Variants in ATAD1 observed in about 807,000 individuals in gnomAD.
The protein encoded by ATAD1 is outer mitochondrial transmembrane helix translocase.
ATAD1 carries 18 observed loss-of-function variants against 42.7 expected under a neutral mutation model. The observed-to-expected ratio is 0.42, with a 90% CI of 0.29 to 0.63. The LOEUF (loss-of-function observed/expected upper bound fraction) is 0.63. Among genes scored for constraint, ATAD1 ranks in the 20% least tolerant of loss-of-function variants. The pLI, the probability that ATAD1 is intolerant of heterozygous loss-of-function variation, is 0.19. For synonymous variants in ATAD1, 132 were observed against 143.1 expected (o/e 0.92, Z 0.55); for missense variants, 294 against 440.4 (o/e 0.67, Z 2.98).
intron 1 of ATAD1, 104 bp downstream of exon 1, chr10:87,818,063 G>C (rs572967916): frequency 4.1e-6 from 4 of 985,742 alleles, no homozygotes; most frequent in Non-Finnish European, 4.8e-6. Context: ...AGAAGACCGG[G>C]GTGACCTTTC....
intron 2 of ATAD1, among the ~76,000 whole-genome samples, chr10:87,808,163 C>T (rs1857010328): frequency 6.6e-6 from 1 of 152,208 alleles, no homozygotes; most frequent in South Asian, 2.1e-4. Flanking sequence ...AGCTTGTAAA[C>T]ATTCTTTGGC....
chr10:87,814,551 C>G lies in ATAD1; in HGVS notation c.49G>C (p.Val17Leu). ...ATTGTCAAACGGAAAATTAAACCAA[C>G]AACTTCATTCCGACTCAAAGGACGA... ...FSRPLSRNEV[V>L]GLIFRLTIFG... The change falls in exon 2 of 10, where the codon GTT becomes CTT. Residue 17 changes from valine (V) to leucine (L), a missense_variant. Transcript: ENST00000680024. 6.2e-7 allele frequency: 1 copy of G among 1,611,896 alleles called. No homozygotes were observed.
At chr10:87,768,414 C>T (rs921244826) in intron 7 of ATAD1, among the ~76,000 whole-genome samples, 1 of 152,180 alleles carries the variant, frequency 6.6e-6, no homozygotes, top group African/African-American at 2.4e-5. Flanking sequence ...AATCAAATTA[C>T]TTGAAAAACA....
intron 4 of ATAD1, among the ~76,000 whole-genome samples, chr10:87,788,167 A>G (rs575414608): frequency 2.6e-5 from 4 of 152,382 alleles, no homozygotes; most frequent in South Asian, 2.1e-4. Flanking sequence ...CAATAGTTAC[A>G]TATGACCTCA....
rs771502282 is a variant in ATAD1, at chr10:87,756,807, T to C, written c.947A>G (p.Asn316Ser). 5.0e-6 allele frequency: 8 copies of C among 1,604,610 alleles called. 1 individual carries two copies. ...AALLCVREYV[N>S]STSEESHDED... is the part of the protein sequence containing the mutation. ...AACATACCTTTCTTCTGATGTAGAATTAACATATTCTCTAACACAGAGGAG... is the reference window on the plus strand; with the variant it reads ...AACATACCTTTCTTCTGATGTAGAACTAACATATTCTCTAACACAGAGGAG... The change falls in exon 9 of 10, where the codon AAT (asparagine) becomes AGT (serine). Residue 316 changes from asparagine (N) to serine (S), a missense_variant. Physicochemically the swap from Asn to Ser is conservative, Grantham distance 46. Coordinates refer to ENST00000680024, the MANE Select transcript of ATAD1 (RefSeq NM_001321967.2).
chr10:87,830,797 C>A (rs565967132), intron 1 of ATAD1, among the ~76,000 whole-genome samples: 1 of 152,188 alleles, frequency 6.6e-6, no homozygotes, highest in South Asian at 2.1e-4. Context: ...AAGTAACAAA[C>A]CAACTTCAAA....
chr10:87,782,516 A>ATAT (rs1855614883), intron 5 of ATAD1, among the ~76,000 whole-genome samples: 1 of 152,102 alleles, frequency 6.6e-6, no homozygotes, highest in Non-Finnish European at 1.5e-5. Context: ...AAGAGATGAG[A>ATAT]TATTATTATT....
At chr10:87,836,683 T>C (rs1857935803) in intron 1 of ATAD1, among the ~76,000 whole-genome samples, 1 of 152,234 alleles carries the variant, frequency 6.6e-6, no homozygotes, top group African/African-American at 2.4e-5. Context: ...CCCTGTTTGG[T>C]GTCTGAGTTT....
chr10:87,809,512 CA>C (rs571373945), intron 2 of ATAD1, among the ~76,000 whole-genome samples: 113 of 147,730 alleles, frequency 7.6e-4, no homozygotes, highest in Non-Finnish European at 1.4e-3. Context: ...GAGACGGGCA[CA>C]CTCAATTGAA....
chr10:87,813,819 T>C (rs1187597483), intron 2 of ATAD1, among the ~76,000 whole-genome samples: 1 of 151,786 alleles, frequency 6.6e-6, no homozygotes, highest in Non-Finnish European at 1.5e-5. Flanking sequence ...TTAATTATTG[T>C]TTAAAAAAAA....
At chr10:87,790,491 G>T in intron 3 of ATAD1, 61 bp from the exon 4 acceptor site, 1 of 1,482,014 alleles carries the variant, frequency 6.7e-7, no homozygotes, top group South Asian at 1.4e-5. Context: ...AAAGTAAAAA[G>T]AACGCTCCCA....
At chr10:87,817,581 A>T (rs940238333) in intron 1 of ATAD1, among the ~76,000 whole-genome samples, 8 of 152,234 alleles carry the variant, frequency 5.3e-5, no homozygotes, top group Admixed American at 3.3e-4. Context: ...AATTCATTGC[A>T]GTATTTCACA....
chr10:87,759,796 T>C (rs942960881), intron 8 of ATAD1: 7 of 455,706 alleles, frequency 1.5e-5, no homozygotes, highest in African/African-American at 6.0e-5. Flanking sequence ...AGCTGTAAAA[T>C]AGGACTAATA....
upstream of ATAD1, among the ~76,000 whole-genome samples, chr10:87,820,980 G>A (rs950929637): frequency 7.2e-5 from 11 of 152,134 alleles, no homozygotes; most frequent in Non-Finnish European, 1.0e-4. Context: ...GGAAATTAGA[G>A]CAGACTGTAG....
At chr10:87,792,173 C>T (rs571926610) in intron 3 of ATAD1, among the ~76,000 whole-genome samples, 136 of 152,326 alleles carry the variant, frequency 8.9e-4, no homozygotes, top group Middle Eastern at 3.4e-3. Context: ...AAGAGTGCCA[C>T]AATTTCTTGA....
chr10:87,791,051 A>AAT (rs1333204537), intron 3 of ATAD1, among the ~76,000 whole-genome samples: 5 of 150,328 alleles, frequency 3.3e-5, no homozygotes, highest in African/African-American at 1.2e-4. Context: ...AAAAAAAAAA[A>AAT]AAAATTAACC....
chr10:87,794,476 T>A (rs117797736), intron 2 of ATAD1, among the ~76,000 whole-genome samples: 369 of 152,330 alleles, frequency 2.4e-3, no homozygotes, highest in Non-Finnish European at 4.0e-3. Context: ...CCCACATGTG[T>A]TCTTTTTAAG....
chr10:87,836,922 A>G (rs1295832696), intron 1 of ATAD1, among the ~76,000 whole-genome samples: 2 of 152,160 alleles, frequency 1.3e-5, no homozygotes, highest in Admixed American at 6.6e-5. Flanking sequence ...TCATCTTCAA[A>G]TTCACTGACT....
intron 1 of ATAD1, among the ~76,000 whole-genome samples, chr10:87,836,684 G>A (rs1009325637): frequency 6.6e-6 from 1 of 152,172 alleles, no homozygotes; most frequent in Non-Finnish European, 1.5e-5. Context: ...CCTGTTTGGT[G>A]TCTGAGTTTC....
Sources: allele counts gnomAD v4.1 joint callset (sites outside exome capture counted in the v4.1 genomes callset), GRCh38; gene constraint gnomAD v4.1.1; transcripts MANE v1.5; gene names NCBI Gene and HGNC (gene_info 2026-07-23, HGNC 2026-07-21).